The following FER variants were observed in gnomAD, a reference collection of about 807,000 sequenced individuals.
The protein encoded by FER is tyrosine-protein kinase Fer.
FER carries 63 observed loss-of-function variants against 111.0 expected under a neutral mutation model. The ratio of observed to expected loss-of-function variants is 0.57; its 90% CI spans 0.46 to 0.70. The LOEUF (loss-of-function observed/expected upper bound fraction) is 0.70. Among genes scored for constraint, FER ranks in the 30% least tolerant of loss-of-function variants. The pLI is 0.00. For missense variants in FER, 914 were observed against 954.0 expected (o/e 0.96, Z 0.55); for synonymous variants, 327 against 313.9 (o/e 1.04, Z -0.44).
chr5:108,995,473 G>T (rs530704874), intron 13 of FER, among the ~76,000 whole-genome samples: 1 of 149,950 alleles, frequency 6.7e-6, no homozygotes, highest in African/African-American at 2.5e-5. Flanking sequence ...ATGTACATGT[G>T]TTCTCATTGT....
intron 16 of FER, among the ~76,000 whole-genome samples, chr5:109,075,056 CTG>C (rs1242988224): frequency 5.9e-5 from 9 of 152,118 alleles, no homozygotes; most frequent in African/African-American, 2.2e-4. Context: ...CATCAAAATT[CTG>C]TGTGTATATA....
intron 10 of FER, among the ~76,000 whole-genome samples, chr5:108,931,966 G>A (rs927232134): frequency 1.3e-5 from 2 of 151,868 alleles, no homozygotes; most frequent in Non-Finnish European, 2.9e-5. Flanking sequence ...TAAATTTTGT[G>A]TGTGTGTGTG....
In FER at chr5:108,997,171, C is replaced by T. The variant is rs1052300106; in HGVS notation, c.1656+37824C>T. On this transcript the variant is annotated intron_variant, in intron 13 of 19. Transcript: ENST00000281092. ...AGGAGATTTTGGGCTGAGGGGAGGC[C>T]GAGGCAGGCAGATCACAAGGTCAGG... Among the ~76,000 whole-genome samples the T allele has an allele frequency of 4.0e-5, 6 of 150,112 alleles. No individual in the cohort carries two copies. In the East Asian group the frequency reaches 5.9e-4, roughly 15 times the overall value.
intron 16 of FER, among the ~76,000 whole-genome samples, chr5:109,089,285 C>G (rs761790169): frequency 6.6e-6 from 1 of 152,112 alleles, no homozygotes; most frequent in Non-Finnish European, 1.5e-5. Flanking sequence ...GTAGAGAAAA[C>G]ACATAGTGAA....
chr5:108,868,505 C>A (rs902911520), intron 6 of FER, among the ~76,000 whole-genome samples: 1 of 152,070 alleles, frequency 6.6e-6, no homozygotes, highest in Non-Finnish European at 1.5e-5. Flanking sequence ...TTATCACACA[C>A]ACTGATACAA....
intron 3 of FER, among the ~76,000 whole-genome samples, chr5:108,830,225 G>A (rs1759895828): frequency 6.6e-6 from 1 of 152,156 alleles, no homozygotes; most frequent in South Asian, 2.1e-4. Context: ...AGGCCAAAGT[G>A]GGTGGATCAC....
At chr5:109,094,875 C>T (rs1233745529) in intron 16 of FER, among the ~76,000 whole-genome samples, 1 of 152,126 alleles carries the variant, frequency 6.6e-6, no homozygotes, top group East Asian at 1.9e-4. Flanking sequence ...TAGATTATCT[C>T]CAAAGTCCCT....
At chr5:109,051,536 T>G (rs1483320675) in intron 16 of FER, 2 of 1,611,908 alleles carry the variant, frequency 1.2e-6, no homozygotes, top group African/African-American at 2.7e-5. Context: ...TTAGCCCAGT[T>G]TTGCTCACTT....
rs146401832 is a variant in FER, at chr5:108,914,811, C to T, written c.1236+16963C>T. 8.8e-3 allele frequency among the ~76,000 whole-genome samples: 1,340 copies of T among 152,242 alleles called. 22 individuals are homozygous for T. Among genetic ancestry groups the T allele is most frequent in the Admixed American group, 0.023 (350 of 15,302 alleles). On this transcript the variant is annotated intron_variant, in intron 10 of 19. Transcript: ENST00000281092. ...ACAAATTTGTGTAAGCCTAGCTCTTCCCTTTTCAAAAGTAATTTAGGTTAA... is the reference window on the plus strand; with the variant it reads ...ACAAATTTGTGTAAGCCTAGCTCTTTCCTTTTCAAAAGTAATTTAGGTTAA...
chr5:109,032,194 G>T (rs867945094), intron 13 of FER, among the ~76,000 whole-genome samples: 1 of 152,148 alleles, frequency 6.6e-6, no homozygotes, highest in South Asian at 2.1e-4. Context: ...GAGAAAGTTT[G>T]TTGGCAGCGA....
At chr5:108,973,715 A>G (rs1267583141) in intron 13 of FER, among the ~76,000 whole-genome samples, 3 of 152,126 alleles carry the variant, frequency 2.0e-5, no homozygotes, top group African/African-American at 7.2e-5. Flanking sequence ...TCTTCACACC[A>G]TAGCTCTCAT....
intron 16 of FER, among the ~76,000 whole-genome samples, chr5:109,055,338 C>T (rs1372460998): frequency 1.3e-5 from 2 of 152,168 alleles, no homozygotes; most frequent in Non-Finnish European, 2.9e-5. Flanking sequence ...TGAAAAGCTT[C>T]TGCACAGCAA....
intron 16 of FER, among the ~76,000 whole-genome samples, chr5:109,060,772 G>A (rs374508082): frequency 0.016 from 2,070 of 133,544 alleles, 35 homozygotes; most frequent in African/African-American, 0.04. Flanking sequence ...GTGTGTGTGT[G>A]TATATATATA....
chr5:108,756,000 A>G (rs1378431473), intron 1 of FER, among the ~76,000 whole-genome samples: 3 of 150,596 alleles, frequency 2.0e-5, no homozygotes, highest in Admixed American at 6.6e-5. Context: ...AAAAAAATAC[A>G]AAAATTAGCT....
At chr5:109,144,327 G>C (rs933301186) in intron 17 of FER, among the ~76,000 whole-genome samples, 1 of 152,006 alleles carries the variant, frequency 6.6e-6, no homozygotes, top group Non-Finnish European at 1.5e-5. Context: ...GTACCAACTG[G>C]GAGTCAGTGA....
intron 17 of FER, among the ~76,000 whole-genome samples, chr5:109,122,714 C>T (rs1191440824): frequency 6.6e-6 from 1 of 152,106 alleles, no homozygotes; most frequent in Non-Finnish European, 1.5e-5. Context: ...TTCTTTAGCC[C>T]TAATAATATT....
At chr5:108,963,562 A>C (rs1759418711) in intron 13 of FER, among the ~76,000 whole-genome samples, 1 of 152,208 alleles carries the variant, frequency 6.6e-6, no homozygotes, top group African/African-American at 2.4e-5. Context: ...ACTCCATCTC[A>C]AAAAACAAAA....
At chr5:108,924,738 T>G in intron 10 of FER, 1 of 1,232,090 alleles carries the variant, frequency 8.1e-7, no homozygotes, top group South Asian at 4.1e-5. Flanking sequence ...GTAAAACATG[T>G]GCTTTAATGT....
At chr5:108,936,631 T>A (rs915702188) in intron 10 of FER, among the ~76,000 whole-genome samples, 4 of 152,030 alleles carry the variant, frequency 2.6e-5, no homozygotes, top group Admixed American at 2.6e-4. Context: ...CTAACTTACA[T>A]TCATATTGAT....
Sources: allele counts gnomAD v4.1 joint callset (sites outside exome capture counted in the v4.1 genomes callset), GRCh38; gene constraint gnomAD v4.1.1; transcripts MANE v1.5; gene names NCBI Gene and HGNC (gene_info 2026-07-23, HGNC 2026-07-21).